Variants in SEC24A observed in about 807,000 individuals in gnomAD.
The protein encoded by SEC24A is SEC24 homolog A, COPII component.
SEC24A carries 93 observed loss-of-function variants against 129.4 expected under a neutral mutation model. The observed-to-expected ratio is 0.72, with a 90% CI of 0.61 to 0.85. The LOEUF (loss-of-function observed/expected upper bound fraction) is 0.85. Among genes scored for constraint, SEC24A ranks in the 40% least tolerant of loss-of-function variants. SEC24A has a pLI of 0.00. For missense variants in SEC24A, 1,264 were observed against 1,307.4 expected (o/e 0.97, Z 0.51); for synonymous variants, 460 against 467.3 (o/e 0.98, Z 0.20).
rs969578117 is a variant in SEC24A, at chr5:134,705,211, G to T, written c.2441-116G>T. ...CTGTCTCTGCCTCTGGAGTAGGTGG[G>T]ACTACAGGGATGCACCACTGCACCC... On this transcript the variant is annotated intron_variant, in intron 16 of 22. Coordinates refer to ENST00000398844, the MANE Select transcript of SEC24A (RefSeq NM_021982.3). 8.0e-5 allele frequency: 53 copies of T among 666,248 alleles called. No homozygotes were observed. In the East Asian group the frequency reaches 1.1e-3, roughly 14 times the overall value. The allele number at this position is 666,248 out of a possible 1,614,324, so 41.3% of individuals were successfully genotyped here.
At chr5:134,652,434 C>A (rs113462263) in intron 1 of SEC24A, among the ~76,000 whole-genome samples, 1 of 150,720 alleles carries the variant, frequency 6.6e-6, no homozygotes, top group Non-Finnish European at 1.5e-5. Flanking sequence ...TACAGGCATG[C>A]GCCACTATGT....
At chr5:134,723,066 A>AT (rs1225958889) in intron 21 of SEC24A, among the ~76,000 whole-genome samples, 2 of 152,130 alleles carry the variant, frequency 1.3e-5, no homozygotes, top group Non-Finnish European at 2.9e-5. Flanking sequence ...AGGTGAGAGA[A>AT]TCACTTGAGC....
rs749278201 is a variant in SEC24A, at chr5:134,725,750, GAGA to G, written c.*658_*660del. On this transcript the variant is annotated 3_prime_UTR_variant, in exon 23 of 23. Coordinates refer to ENST00000398844, the MANE Select transcript of SEC24A (RefSeq NM_021982.3). ...GAACAAAGTCACTTTGATTTGAAGT[GAGA>G]ACTATCATTAGGTGGTTTTCTGATT... is the stretch of plus-strand genomic sequence containing the variant. 2 of 152,450 alleles carry G rather than the reference GAGA, an allele frequency of 1.3e-5. No individual in the cohort carries two copies. The highest frequency in any genetic ancestry group is 2.9e-5 in the Non-Finnish European group (2 of 67,942). The allele number at this position is 152,450 out of a possible 1,614,324, so 9.4% of individuals were successfully genotyped here. A position where few individuals can be genotyped will look rare whatever the true frequency, so the allele number is the denominator to read the frequency against.
chr5:134,657,207 C>T (rs961563385), intron 1 of SEC24A, among the ~76,000 whole-genome samples: 12 of 151,654 alleles, frequency 7.9e-5, no homozygotes, highest in African/African-American at 2.9e-4. Flanking sequence ...CACACACACA[C>T]ACACACAACC....
chr5:134,669,612 A>G (rs1421670897), intron 3 of SEC24A, among the ~76,000 whole-genome samples: 1 of 151,766 alleles, frequency 6.6e-6, no homozygotes, highest in Non-Finnish European at 1.5e-5. Flanking sequence ...AGTAGCTGGG[A>G]CTACAGGCGC....
At chr5:134,702,244 G>A (rs1752026987) in intron 15 of SEC24A, among the ~76,000 whole-genome samples, 1 of 151,770 alleles carries the variant, frequency 6.6e-6, no homozygotes, top group South Asian at 2.1e-4. Context: ...TCAACTCTTG[G>A]GCTTAAGCAA....
chr5:134,703,376 T>C (rs1440440235), intron 15 of SEC24A, among the ~76,000 whole-genome samples: 1 of 152,098 alleles, frequency 6.6e-6, no homozygotes, highest in African/African-American at 2.4e-5. Flanking sequence ...CAAGCAATTC[T>C]CCTGCCTCAA....
chr5:134,699,814 C>T (rs1751948562), intron 15 of SEC24A, among the ~76,000 whole-genome samples: 1 of 151,448 alleles, frequency 6.6e-6, no homozygotes. Context: ...ATTCTGCCTG[C>T]CTCAGCCTCC....
intron 1 of SEC24A, 37 bp downstream of exon 1, chr5:134,649,210 G>T: frequency 6.8e-7 from 1 of 1,469,524 alleles, no homozygotes; most frequent in South Asian, 1.2e-5. Context: ...AGCCTGGCCA[G>T]GGCTGACTGA....
chr5:134,725,213 C>A lies in SEC24A; in HGVS notation c.*119C>A. 1.7e-6 allele frequency: 1 copy of A among 601,896 alleles called. No individual in the cohort carries two copies. The highest frequency in any genetic ancestry group is 2.9e-6 in the Non-Finnish European group (1 of 342,246). The allele number at this position is 601,896 out of a possible 1,614,324, so 37.3% of individuals were successfully genotyped here. A position where few individuals can be genotyped will look rare whatever the true frequency, so the allele number is the denominator to read the frequency against. On this transcript the variant is annotated 3_prime_UTR_variant, in exon 23 of 23. Transcript: ENST00000398844. ...GGACTAATGTGATGATTGAGATGTT[C>A]TCACTGTGATTTCAACAACCTATAG... is the stretch of plus-strand genomic sequence containing the variant.
At chr5:134,709,815 T>A (rs1397120375) in intron 18 of SEC24A, among the ~76,000 whole-genome samples, 2 of 152,118 alleles carry the variant, frequency 1.3e-5, no homozygotes, top group Non-Finnish European at 2.9e-5. Context: ...AACTTTTTTT[T>A]AAAAAGAAGA....
At chr5:134,653,730 C>T (rs1750143729) in intron 1 of SEC24A, among the ~76,000 whole-genome samples, 2 of 151,872 alleles carry the variant, frequency 1.3e-5, no homozygotes, top group Admixed American at 6.6e-5. Context: ...AGGCATGGTG[C>T]GGGCCCAGTA....
chr5:134,721,598 G>A (rs1752629959), intron 21 of SEC24A, among the ~76,000 whole-genome samples: 1 of 151,162 alleles, frequency 6.6e-6, no homozygotes, highest in Admixed American at 6.6e-5. Context: ...TATGCCAGGC[G>A]TGGTGGCTCA....
chr5:134,658,185 C>G (rs1750315672), intron 1 of SEC24A, among the ~76,000 whole-genome samples: 1 of 152,090 alleles, frequency 6.6e-6, no homozygotes, highest in African/African-American at 2.4e-5. Flanking sequence ...GCAGGAGAAT[C>G]GCCTGAACCC....
chr5:134,662,215 C>T (rs530954620), intron 2 of SEC24A, among the ~76,000 whole-genome samples: 117 of 151,914 alleles, frequency 7.7e-4, no homozygotes, highest in African/African-American at 2.5e-3. Context: ...AGTGCAGTGG[C>T]GTGATCTTGG....
chr5:134,713,457 A>T (rs933463504), intron 18 of SEC24A, among the ~76,000 whole-genome samples: 6 of 151,808 alleles, frequency 4.0e-5, no homozygotes, highest in African/African-American at 1.2e-4. Flanking sequence ...GCTTATTTTT[A>T]TTCTTCCCTT....
intron 12 of SEC24A, chr5:134,693,368 T>C: frequency 7.3e-7 from 1 of 1,362,350 alleles, no homozygotes; most frequent in South Asian, 1.7e-5. Flanking sequence ...TAAACTCGCT[T>C]TGGAACTTAC....
Position 134,723,602 on chromosome 5 carries a change from C to T in SEC24A, c.3099C>T (p.Ala1033=), listed in dbSNP as rs372612019. The change falls in exon 22 of 23, where the codon GCC becomes GCT. Residue 1033 remains alanine, a synonymous_variant. Coordinates refer to ENST00000398844, the MANE Select transcript of SEC24A (RefSeq NM_021982.3). The part of the protein sequence containing the change: ...DLPELDTPES[A]RIIAFISWLR... ...CAGAACTTGATACACCAGAATCTGC[C>T]AGAATAATAGCTTTCATCTCTTGGC... 52 of 1,613,106 alleles carry T rather than the reference C, an allele frequency of 3.2e-5. No homozygotes were observed. In the African/African-American group the frequency reaches 5.7e-4, roughly 18 times the overall value.
Position 134,679,686 on chromosome 5 carries a change from C to A in SEC24A, c.1339C>A (p.Gln447Lys). 1.3e-6 allele frequency: 2 copies of A among 1,597,854 alleles called. No individual in the cohort carries two copies. Among genetic ancestry groups the A allele is most frequent in the Admixed American group, 1.7e-5 (1 of 59,422 alleles). Residue 447 changes from glutamine (Q) to lysine (K), a missense_variant, in exon 8 of 23, where the codon CAA (glutamine) becomes AAA (lysine). Transcript: ENST00000398844. ...CAATCCTTTCGTCAGCTTTCTTGAT[C>A]AAAGGAGATGGAAGTGTAACTTATG... ...YINPFVSFLD[Q>K]RRWKCNLCYR...
Sources: gnomAD v4.1 joint callset for allele counts (sites outside exome capture counted in the v4.1 genomes callset) on GRCh38, gnomAD v4.1.1 for gene constraint, MANE v1.5 for transcripts, NCBI Gene and HGNC (gene_info 2026-07-23, HGNC 2026-07-21) for gene names.